GPR137C: variants seen among roughly 807,000 people sequenced by gnomAD.
The protein encoded by GPR137C is integral membrane protein GPR137C.
GPR137C carries 27 observed loss-of-function variants against 43.4 expected under a neutral mutation model. The ratio of observed to expected loss-of-function variants is 0.62; its 90% CI spans 0.46 to 0.86. The LOEUF (loss-of-function observed/expected upper bound fraction) is 0.86. GPR137C is among the 40% of genes least tolerant of loss of function. GPR137C has a pLI of 0.00. For missense variants in GPR137C, 522 were observed against 534.6 expected (o/e 0.98, Z 0.23); for synonymous variants, 285 against 226.9 (o/e 1.26, Z -2.30).
chr14:52,559,262 G>T (rs2038242262), intron 1 of GPR137C, among the ~76,000 whole-genome samples: 1 of 152,024 alleles, frequency 6.6e-6, no homozygotes, highest in Admixed American at 6.6e-5. Context: ...TGTAGTTCCA[G>T]CTACCCGGGA....
chr14:52,571,401 A>G (rs568308123), intron 1 of GPR137C, among the ~76,000 whole-genome samples: 135 of 152,348 alleles, frequency 8.9e-4, no homozygotes, highest in African/African-American at 3.2e-3. Context: ...TCTAAAATTG[A>G]CACCCTAATG....
At chr14:52,563,139 C>A (rs1048643165) in intron 1 of GPR137C, among the ~76,000 whole-genome samples, 1 of 152,176 alleles carries the variant, frequency 6.6e-6, no homozygotes, top group Admixed American at 6.5e-5. Context: ...CCCCCCATAT[C>A]TTTCCCCTTA....
intron 1 of GPR137C, among the ~76,000 whole-genome samples, chr14:52,566,903 G>A: frequency 6.6e-6 from 1 of 152,180 alleles, no homozygotes; most frequent in East Asian, 1.9e-4. Context: ...TCTGAGGTCA[G>A]GAGTTTGAGA....
intron 1 of GPR137C, among the ~76,000 whole-genome samples, chr14:52,558,305 C>T (rs112755185): frequency 1.8e-3 from 276 of 152,216 alleles, no homozygotes; most frequent in African/African-American, 6.4e-3. Flanking sequence ...AGCATAATGC[C>T]AGAATCCTTT....
At position 52,553,183 on chromosome 14, in the gene GPR137C, C is replaced by T. The variant is rs2140244101; in HGVS notation, c.36C>T (p.Ala12=). The stretch of plus-strand genomic sequence containing the variant: ...CCGTGCCGGGTCCGGCGGCCGCTGC[C>T]GCCCCCGCAGCCGGCCGCGAGCCCT... ...RVSVPGPAAA[A]APAAGREPST... Residue 12 remains alanine (A), a synonymous_variant, in exon 1 of 7, where the codon GCC becomes GCT. Coordinates refer to ENST00000321662, the MANE Select transcript of GPR137C (RefSeq NM_001099652.2). 1 of 1,197,464 alleles carries T rather than the reference C, an allele frequency of 8.4e-7. No homozygotes were observed. Among genetic ancestry groups the T allele is most frequent in the Non-Finnish European group, 1.0e-6 (1 of 967,312 alleles). 74.2% of individuals were successfully genotyped at this position (1,197,464 alleles called of 1,614,324 possible).
chr14:52,557,467 A>T (rs1487576676), intron 1 of GPR137C, among the ~76,000 whole-genome samples: 1 of 152,238 alleles, frequency 6.6e-6, no homozygotes, highest in African/African-American at 2.4e-5. Context: ...AAAAGTCTGT[A>T]AGATGAGTCT....
chr14:52,590,473 T>C (rs2038768259), intron 1 of GPR137C, among the ~76,000 whole-genome samples: 2 of 152,172 alleles, frequency 1.3e-5, no homozygotes, highest in South Asian at 2.1e-4. Flanking sequence ...TCTACAGTAG[T>C]GTACAGTAAT....
chr14:52,621,896 T>C (rs2039165404), intron 3 of GPR137C, among the ~76,000 whole-genome samples: 3 of 151,686 alleles, frequency 2.0e-5, no homozygotes, highest in African/African-American at 7.2e-5. Context: ...TATAAAAATA[T>C]CCATTTATTA....
chr14:52,598,356 A>G (rs1257428011), intron 2 of GPR137C, 41 bp downstream of exon 2: 4 of 876,716 alleles, frequency 4.6e-6, no homozygotes. Flanking sequence ...TAAAAGATCT[A>G]AAGCATTAAT....
chr14:52,615,110 C>T (rs182109029), intron 3 of GPR137C, among the ~76,000 whole-genome samples: 4 of 152,142 alleles, frequency 2.6e-5, no homozygotes, highest in African/African-American at 7.2e-5. Context: ...GTGTTTAATT[C>T]GTTTTGATTT....
At chr14:52,567,649 C>CTTT (rs75250866) in intron 1 of GPR137C, among the ~76,000 whole-genome samples, 13 of 133,110 alleles carry the variant, frequency 9.8e-5, no homozygotes, top group Admixed American at 2.3e-4. Context: ...TCAGATTGTT[C>CTTT]TTTTTTTTTT....
intron 1 of GPR137C, among the ~76,000 whole-genome samples, chr14:52,580,389 G>T (rs1049608878): frequency 1.3e-5 from 2 of 152,040 alleles, no homozygotes; most frequent in African/African-American, 2.4e-5. Context: ...TTGAGACAGA[G>T]TCTCACCCTG....
At chr14:52,556,000 C>T (rs920577940) in intron 1 of GPR137C, among the ~76,000 whole-genome samples, 1 of 152,114 alleles carries the variant, frequency 6.6e-6, no homozygotes, top group Admixed American at 6.5e-5. Flanking sequence ...ATTGATCATT[C>T]TGAATTAATG....
At chr14:52,558,506 T>A (rs929971591) in intron 1 of GPR137C, among the ~76,000 whole-genome samples, 3 of 152,150 alleles carry the variant, frequency 2.0e-5, no homozygotes, top group African/African-American at 7.2e-5. Flanking sequence ...AGATCTAACT[T>A]GAAAACATAA....
chr14:52,564,817 G>A (rs909788906), intron 1 of GPR137C, among the ~76,000 whole-genome samples: 1 of 152,060 alleles, frequency 6.6e-6, no homozygotes, highest in South Asian at 2.1e-4. Context: ...TGAAGTTCTT[G>A]TTCACCATAT....
chr14:52,619,017 T>C (rs2039130377), intron 3 of GPR137C, among the ~76,000 whole-genome samples: 1 of 152,164 alleles, frequency 6.6e-6, no homozygotes, highest in African/African-American at 2.4e-5. Flanking sequence ...CATTTGCAAA[T>C]AATACATTTT....
At chr14:52,591,973 C>T (rs2038790095) in intron 1 of GPR137C, among the ~76,000 whole-genome samples, 1 of 152,118 alleles carries the variant, frequency 6.6e-6, no homozygotes, top group African/African-American at 2.4e-5. Flanking sequence ...ACATTTAAGT[C>T]TTTAATACGC....
chr14:52,623,494 G>A (rs2039184159), intron 3 of GPR137C, among the ~76,000 whole-genome samples: 1 of 152,106 alleles, frequency 6.6e-6, no homozygotes. Context: ...GGTGTTTAAA[G>A]CATTCATGAT....
At chr14:52,610,251 T>C (rs2039024315) in intron 3 of GPR137C, among the ~76,000 whole-genome samples, 1 of 152,246 alleles carries the variant, frequency 6.6e-6, no homozygotes. Flanking sequence ...TTCTCCCTGC[T>C]AAAGTATAAA....
Sources: allele counts gnomAD v4.1 joint callset (sites outside exome capture counted in the v4.1 genomes callset), GRCh38; gene constraint gnomAD v4.1.1; transcripts MANE v1.5; gene names NCBI Gene and HGNC (gene_info 2026-07-23, HGNC 2026-07-21).